The following STAG1 variants were observed in gnomAD, a reference collection of about 807,000 sequenced individuals.
STAG1 encodes the protein STAG1 cohesin complex component.
Under a neutral mutation model 170.9 loss-of-function variants are expected in STAG1, and 26 were observed. The ratio of observed to expected loss-of-function variants is 0.15; its 90% CI spans 0.11 to 0.21. STAG1 has a LOEUF of 0.21. STAG1 is among the 10% of genes least tolerant of loss of function. STAG1 has a pLI of 1.00. For synonymous variants in STAG1, 514 were observed against 497.7 expected, an observed-to-expected ratio of 1.03 and a Z score of -0.44; for missense variants, 964 against 1,509.5, an observed-to-expected ratio of 0.64 and a Z score of 5.99.
intron 9 of STAG1, among the ~76,000 whole-genome samples, chr3:136,497,787 G>A (rs763605423): frequency 3.3e-5 from 5 of 151,308 alleles, no homozygotes; most frequent in Admixed American, 6.6e-5. Flanking sequence ...CCCGGGAGGT[G>A]GAGCTTGCAG....
chr3:136,595,311 C>T (rs1938374001), intron 4 of STAG1, among the ~76,000 whole-genome samples: 1 of 152,144 alleles, frequency 6.6e-6, no homozygotes, highest in African/African-American at 2.4e-5. Flanking sequence ...GTGAACGCTA[C>T]CAAGTCAAAC....
intron 23 of STAG1, among the ~76,000 whole-genome samples, chr3:136,375,057 T>C (rs548745398): frequency 5.3e-5 from 8 of 152,230 alleles, no homozygotes; most frequent in Non-Finnish European, 7.3e-5. Context: ...CCATAGAGCA[T>C]AGGCATGTGG....
At chr3:136,406,500 C>T (rs1045459813) in intron 21 of STAG1, among the ~76,000 whole-genome samples, 10 of 152,066 alleles carry the variant, frequency 6.6e-5, no homozygotes, top group African/African-American at 2.4e-4. Context: ...AATCTAAACA[C>T]ATTAAAATTC....
At chr3:136,501,311 A>C (rs1335625412) in intron 8 of STAG1, among the ~76,000 whole-genome samples, 1 of 152,214 alleles carries the variant, frequency 6.6e-6, no homozygotes, top group East Asian at 1.9e-4. Context: ...TATGTTCCTT[A>C]AAAATTTGTA....
intron 13 of STAG1, among the ~76,000 whole-genome samples, chr3:136,461,039 T>C (rs2089258551): frequency 6.6e-6 from 1 of 152,164 alleles, no homozygotes; most frequent in Non-Finnish European, 1.5e-5. Context: ...CCATATGCAT[T>C]ATCAGTAAAT....
chr3:136,398,670 A>G, intron 22 of STAG1, 79 bp downstream of exon 22: 1 of 661,230 alleles, frequency 1.5e-6, no homozygotes, highest in Non-Finnish European at 2.3e-6. Context: ...ACAATAACTG[A>G]TAATAGTAAA....
At chr3:136,651,303 C>T (rs964748598) in intron 1 of STAG1, among the ~76,000 whole-genome samples, 1 of 149,982 alleles carries the variant, frequency 6.7e-6, no homozygotes, top group East Asian at 2.0e-4. Context: ...GAAGTCAAAG[C>T]TGCAGTGAGC....
chr3:136,694,752 G>A (rs1055524863), intron 1 of STAG1, among the ~76,000 whole-genome samples: 4 of 152,128 alleles, frequency 2.6e-5, no homozygotes, highest in African/African-American at 9.7e-5. Context: ...TTAGCTCAAG[G>A]GACACAGGAA....
intron 21 of STAG1, among the ~76,000 whole-genome samples, chr3:136,409,092 C>A (rs1275925841): frequency 6.6e-6 from 1 of 151,996 alleles, no homozygotes; most frequent in Non-Finnish European, 1.5e-5. Context: ...TGGTGAAACC[C>A]TGTTTCTATT....
At chr3:136,365,929 G>GTCT (rs1459449731) in intron 25 of STAG1, among the ~76,000 whole-genome samples, 1 of 151,596 alleles carries the variant, frequency 6.6e-6, no homozygotes, top group Non-Finnish European at 1.5e-5. Flanking sequence ...GCAAGGGCTT[G>GTCT]TCTTCCTTCC....
intron 3 of STAG1, among the ~76,000 whole-genome samples, chr3:136,611,724 C>T (rs1288870904): frequency 4.3e-5 from 6 of 139,136 alleles, no homozygotes; most frequent in Non-Finnish European, 9.1e-5. Context: ...AGGCTGGTCT[C>T]GAACTCCTGA....
Position 136,743,466 on chromosome 3 carries a change from C to T in STAG1, c.-84+8729G>A, listed in dbSNP as rs532546852. ...AAGGATAGCAAGGAAATCTTACAAACTCCTGCCAATCAATTAAGTAAAATG... is the reference window on the plus strand; with the variant it reads ...AAGGATAGCAAGGAAATCTTACAAATTCCTGCCAATCAATTAAGTAAAATG... On this transcript the variant is annotated intron_variant, in intron 1 of 33. Coordinates refer to ENST00000383202, the MANE Select transcript of STAG1 (RefSeq NM_005862.3). Among the ~76,000 whole-genome samples, 10 of 151,902 alleles carry T rather than the reference C, an allele frequency of 6.6e-5. No individual in the cohort carries two copies. The South Asian group carries it at 1.9e-3, about 28-fold the overall frequency.
intron 10 of STAG1, among the ~76,000 whole-genome samples, chr3:136,475,991 T>C (rs1030296649): frequency 6.6e-6 from 1 of 152,198 alleles, no homozygotes; most frequent in Non-Finnish European, 1.5e-5. Context: ...AAGTCTCTTA[T>C]GTCAAAATAA....
intron 6 of STAG1, 78 bp from the exon 7 acceptor site, chr3:136,521,495 C>T: frequency 1.6e-6 from 2 of 1,231,274 alleles, no homozygotes; most frequent in Non-Finnish European, 1.2e-6. Flanking sequence ...TTCCTACCTA[C>T]ATAGGAACCC....
At chr3:136,736,339 G>A (rs1934332624) in intron 1 of STAG1, among the ~76,000 whole-genome samples, 1 of 152,088 alleles carries the variant, frequency 6.6e-6, no homozygotes, top group South Asian at 2.1e-4. Context: ...ATGCACAAAA[G>A]AATTACTCTG....
intron 1 of STAG1, among the ~76,000 whole-genome samples, chr3:136,632,541 G>A (rs1940371487): frequency 6.6e-6 from 1 of 152,058 alleles, no homozygotes; most frequent in African/African-American, 2.4e-5. Context: ...TCTGCTGAAA[G>A]GATTTAAATA....
intron 13 of STAG1, among the ~76,000 whole-genome samples, chr3:136,459,220 G>GAA (rs769155825): frequency 2.2e-5 from 2 of 91,634 alleles, no homozygotes; most frequent in African/African-American, 3.6e-5. Flanking sequence ...CTGTCTTAAA[G>GAA]AAAAAAAAAA....
intron 1 of STAG1, among the ~76,000 whole-genome samples, chr3:136,751,828 GCTT>G (rs1935267897): frequency 2.0e-5 from 3 of 150,804 alleles, no homozygotes; most frequent in East Asian, 3.9e-4. Flanking sequence ...CGGAGGGCGG[GCTT>G]GGCGGCGGGC....
At chr3:136,437,080 T>C (rs1040885700) in intron 15 of STAG1, among the ~76,000 whole-genome samples, 1 of 152,224 alleles carries the variant, frequency 6.6e-6, no homozygotes, top group African/African-American at 2.4e-5. Flanking sequence ...AGGCTGCCCA[T>C]GAACTAAATG....
Sources: gnomAD v4.1 joint callset for allele counts (sites outside exome capture counted in the v4.1 genomes callset) on GRCh38, gnomAD v4.1.1 for gene constraint, MANE v1.5 for transcripts, NCBI Gene and HGNC (gene_info 2026-07-23, HGNC 2026-07-21) for gene names.